LTA4H: variants seen among roughly 807,000 people sequenced by gnomAD.
LTA4H encodes the protein leukotriene A-4 hydrolase.
In LTA4H, 59 loss-of-function variants were observed where a neutral mutation model predicts 89.8. The observed-to-expected ratio is 0.66, with a 90% confidence interval of 0.53 to 0.82. The LOEUF (loss-of-function observed/expected upper bound fraction) is 0.82. Among genes scored for constraint, LTA4H ranks in the 40% least tolerant of loss-of-function variants. The pLI, the probability that LTA4H is intolerant of heterozygous loss-of-function variation, is 0.00. For synonymous variants in LTA4H, 227 were observed against 253.1 expected (o/e 0.90, Z 0.98); for missense variants, 617 against 727.0 (o/e 0.85, Z 1.74).
intron 15 of LTA4H, among the ~76,000 whole-genome samples, chr12:96,008,321 G>C (rs989729248): frequency 1.3e-5 from 2 of 151,954 alleles, no homozygotes; most frequent in Non-Finnish European, 2.9e-5. Flanking sequence ...TTCAGTAAAG[G>C]GTTCTATTTT....
chr12:96,019,383 T>C (rs1950424166), intron 6 of LTA4H, 143 bp from the exon 7 acceptor site: 2 of 650,542 alleles, frequency 3.1e-6, no homozygotes, highest in Non-Finnish European at 5.3e-6. Flanking sequence ...TGAGGTTACA[T>C]GGCGTGAGCT....
chr12:96,039,712 T>G (rs1360045427), upstream of LTA4H, among the ~76,000 whole-genome samples: 1 of 152,210 alleles, frequency 6.6e-6, no homozygotes, highest in Non-Finnish European at 1.5e-5. Context: ...AGCAAAGATA[T>G]GTTTTGAAAT....
chr12:96,043,384 G>T, exon 1 of LTA4H: 1 of 1,503,662 alleles, frequency 6.7e-7, no homozygotes, highest in Admixed American at 2.0e-5. Context: ...ATGGGAGACA[G>T]ATTAGAGGAG....
chr12:96,040,150 G>A (rs1387800437), upstream of LTA4H, among the ~76,000 whole-genome samples: 1 of 152,246 alleles, frequency 6.6e-6, no homozygotes, highest in Non-Finnish European at 1.5e-5. Flanking sequence ...TGGGGAGTGG[G>A]AGGTGGGCAG....
At chr12:96,040,355 T>C (rs781012394), upstream of LTA4H, among the ~76,000 whole-genome samples, 15 of 152,208 alleles carry the variant, frequency 9.9e-5, no homozygotes, top group Admixed American at 4.6e-4. Context: ...TGTCTTCTAA[T>C]ACCTATATAT....
intron 1 of LTA4H, among the ~76,000 whole-genome samples, chr12:96,032,353 C>T (rs1402252740): frequency 6.6e-6 from 1 of 152,206 alleles, no homozygotes; most frequent in Non-Finnish European, 1.5e-5. Context: ...ACTGGGTCTT[C>T]CCATCTCACC....
chr12:96,015,818 C>T, intron 10 of LTA4H, 124 bp from the exon 11 acceptor site: 1 of 640,718 alleles, frequency 1.6e-6, no homozygotes, highest in South Asian at 2.0e-5. Context: ...CCACTACAGT[C>T]TAAGCCGACT....
chr12:96,041,967 T>C (rs1198221994), intron 1 of LTA4H, among the ~76,000 whole-genome samples: 33 of 144,300 alleles, frequency 2.3e-4, no homozygotes, highest in Admixed American at 2.3e-3. Context: ...AAATTAAACG[T>C]TTCTTTTTGT....
At chr12:96,042,974 G>C (rs1269426888) in intron 1 of LTA4H, among the ~76,000 whole-genome samples, 30 of 152,164 alleles carry the variant, frequency 2.0e-4, no homozygotes, top group Non-Finnish European at 2.9e-5. Flanking sequence ...TGGCCACCAG[G>C]TCTGTCAGGA....
At chr12:96,035,968 G>T (rs1424260999), upstream of LTA4H, among the ~76,000 whole-genome samples, 1 of 152,180 alleles carries the variant, frequency 6.6e-6, no homozygotes, top group Non-Finnish European at 1.5e-5. Context: ...AGCGAGGGCG[G>T]GGCGGAGCAA....
At chr12:96,013,999 A>G in intron 12 of LTA4H, 146 bp from the exon 13 acceptor site, 1 of 531,550 alleles carries the variant, frequency 1.9e-6, no homozygotes, top group Non-Finnish European at 3.3e-6. Flanking sequence ...AGAGTGAAAG[A>G]ATGTTCAAAA....
At chr12:96,005,757 AT>A (rs5800240) in intron 16 of LTA4H, among the ~76,000 whole-genome samples, 15,938 of 151,954 alleles carry the variant, frequency 0.1, 1,059 homozygotes, top group East Asian at 0.29. Flanking sequence ...TTTTAAAAAA[AT>A]TTTTTTATGA....
chr12:96,041,864 A>G (rs928421553), intron 1 of LTA4H, among the ~76,000 whole-genome samples: 1 of 151,920 alleles, frequency 6.6e-6, no homozygotes, highest in Non-Finnish European at 1.5e-5. Flanking sequence ...GATGGTCTCA[A>G]TCTCCTGACC....
intron 1 of LTA4H, among the ~76,000 whole-genome samples, chr12:96,032,709 A>C (rs1950588825): frequency 6.6e-6 from 1 of 152,238 alleles, no homozygotes; most frequent in African/African-American, 2.4e-5. Context: ...ACATTATTAT[A>C]ATTCCAGGCT....
intron 1 of LTA4H, among the ~76,000 whole-genome samples, chr12:96,041,834 G>T (rs1008416772): frequency 6.6e-6 from 1 of 151,930 alleles, no homozygotes; most frequent in East Asian, 1.9e-4. Context: ...ATAGAGATGG[G>T]GTTTCACCGT....
At position 96,033,581 on chromosome 12, in the gene LTA4H, T is replaced by G. The variant is rs182310626; in HGVS notation, c.159+1780A>C. On this transcript the variant is annotated intron_variant, in intron 1 of 18. Coordinates refer to ENST00000228740, the MANE Select transcript of LTA4H (RefSeq NM_000895.3). ...TTTTTCTTTTTTTATTATTATACTTTAAGTTCTGGGGTACATGTGCAGAAC... is the reference window on the plus strand; with the variant it reads ...TTTTTCTTTTTTTATTATTATACTTGAAGTTCTGGGGTACATGTGCAGAAC... Among the ~76,000 whole-genome samples, 539 of 152,338 alleles carry G rather than the reference T, an allele frequency of 3.5e-3. 2 individuals carry two copies. Among genetic ancestry groups the G allele is most frequent in the Non-Finnish European group, 5.6e-3 (378 of 68,032 alleles).
chr12:96,018,418 G>T (rs1290894884), intron 8 of LTA4H, among the ~76,000 whole-genome samples: 1 of 152,078 alleles, frequency 6.6e-6, no homozygotes, highest in Non-Finnish European at 1.5e-5. Flanking sequence ...GCATGGTGGT[G>T]TGCACCTATA....
intron 17 of LTA4H, 81 bp downstream of exon 17, chr12:96,003,757 T>A: frequency 1.1e-6 from 1 of 895,418 alleles, no homozygotes; most frequent in Non-Finnish European, 1.8e-6. Flanking sequence ...GTATGTCTCA[T>A]ACTCTGCATT....
chr12:96,021,036 C>A (rs753704988), intron 6 of LTA4H, 49 bp downstream of exon 6: 11 of 1,487,096 alleles, frequency 7.4e-6, no homozygotes, highest in Non-Finnish European at 9.2e-6. Context: ...GTTCAAGATG[C>A]CTAAGTTTTG....
Sources: gnomAD v4.1 joint callset for allele counts (sites outside exome capture counted in the v4.1 genomes callset) on GRCh38, gnomAD v4.1.1 for gene constraint, MANE v1.5 for transcripts, NCBI Gene and HGNC (gene_info 2026-07-23, HGNC 2026-07-21) for gene names.